The following CD36 variants were observed in gnomAD, a reference collection of about 807,000 sequenced individuals.
The protein encoded by CD36 is platelet glycoprotein 4.
Under a neutral mutation model 55.2 loss-of-function variants are expected in CD36, and 119 were observed. The ratio of observed to expected loss-of-function variants is 2.15; its 90% CI spans 1.86 to 2.51. CD36 has a LOEUF of 2.51. Ranked by LOEUF, CD36 falls within the 30% of genes most tolerant of loss-of-function variation. The pLI is 0.00. For missense variants in CD36, 819 were observed against 555.5 expected, an observed-to-expected ratio of 1.47 and a Z score of -4.77; for synonymous variants, 186 against 193.6, an observed-to-expected ratio of 0.96 and a Z score of 0.33.
intron 1 of CD36, among the ~76,000 whole-genome samples, chr7:80,645,741 A>T (rs1795120579): frequency 6.6e-6 from 1 of 152,176 alleles, no homozygotes; most frequent in Non-Finnish European, 1.5e-5. Flanking sequence ...ATCAACTGCA[A>T]ATGACAAACT....
In CD36 at chr7:80,677,268, A is replaced by C. The variant is rs951095555; in HGVS notation, c.*885A>C. On this transcript the variant is annotated 3_prime_UTR_variant, in exon 15 of 15. Coordinates refer to ENST00000447544, the MANE Select transcript of CD36 (RefSeq NM_001001548.3). Reference sequence around the variant, plus strand: ...TCCTTTTTCATAAGGAGACACATTAATAGGTAACTCTGTTTCTTGAGCAGG... The same window carrying C: ...TCCTTTTTCATAAGGAGACACATTACTAGGTAACTCTGTTTCTTGAGCAGG... 6.6e-6 allele frequency: 1 copy of C among 152,196 alleles called. No individual in the cohort carries two copies. Among genetic ancestry groups the C allele is most frequent in the African/African-American group, 2.4e-5 (1 of 41,454 alleles). 9.4% of individuals were successfully genotyped at this position (152,196 alleles called of 1,614,324 possible).
At chr7:80,650,111 C>T (rs1795484828) in intron 3 of CD36, among the ~76,000 whole-genome samples, 1 of 151,992 alleles carries the variant, frequency 6.6e-6, no homozygotes, top group Non-Finnish European at 1.5e-5. Flanking sequence ...ATTCAGACTT[C>T]CTAGTGTAGA....
chr7:80,663,204 T>C, intron 6 of CD36, 35 bp downstream of exon 6: 2 of 1,534,978 alleles, frequency 1.3e-6, no homozygotes, highest in Non-Finnish European at 9.0e-7. Flanking sequence ...TATTATTACA[T>C]TTTAATTTAA....
In CD36 at chr7:80,666,459, G is replaced by T. The variant is rs1797103824; in HGVS notation, c.718G>T (p.Glu240Ter). ...YKGKRNLSYW[E>*]SHCDMINGTD... is the part of the protein sequence containing the mutation. Reference sequence around the variant, plus strand: ...TATTCCTAGGAATCTGTCCTATTGGGAAAGTCACTGCGACATGATTAATGG... The same window carrying T: ...TATTCCTAGGAATCTGTCCTATTGGTAAAGTCACTGCGACATGATTAATGG... The change falls in exon 8 of 15, where the codon GAA becomes TAA. Residue 240 changes from glutamate to a stop codon, truncating the protein, a stop_gained. Transcript: ENST00000447544. LOFTEE classifies it high-confidence loss of function. 1 of 1,607,484 alleles carries T rather than the reference G, an allele frequency of 6.2e-7. No individual in the cohort carries two copies. The highest frequency in any genetic ancestry group is 8.5e-7 in the Non-Finnish European group (1 of 1,174,528).
chr7:80,613,115 A>G (rs1275891600), intron 1 of CD36, among the ~76,000 whole-genome samples: 1 of 152,096 alleles, frequency 6.6e-6, no homozygotes, highest in Admixed American at 6.5e-5. Context: ...ACTTGATTCC[A>G]TGAGTCACAC....
intron 1 of CD36, among the ~76,000 whole-genome samples, chr7:80,639,453 A>G (rs937947382): frequency 1.1e-4 from 16 of 152,018 alleles, no homozygotes; most frequent in African/African-American, 3.9e-4. Flanking sequence ...TATTACAAAT[A>G]GTACTGAATT....
exon 1 of CD36, chr7:80,602,294 T>C (rs1792281996): frequency 6.6e-6 from 1 of 152,168 alleles, no homozygotes; most frequent in Non-Finnish European, 1.5e-5. Flanking sequence ...GTGGAAATCC[T>C]GTTTACTTTC....
At position 80,672,833 on chromosome 7, in the gene CD36, GA is replaced by G. The variant is rs753754773; in HGVS notation, c.1195del (p.Ile399PhefsTer4). On this transcript the variant is annotated frameshift_variant, in exon 12 of 15. Coordinates refer to ENST00000447544, the MANE Select transcript of CD36 (RefSeq NM_001001548.3). LOFTEE classifies it high-confidence loss of function. The stretch of plus-strand genomic sequence containing the variant: ...GGTCAACCTATTGGTCAAGCCATCA[GA>G]AAAAATTCAGTGAGTCTCTTGAAAA... ...LQVNLLVKPS[E>X]KIQVLKNLKR... 5.5e-5 allele frequency: 88 copies of G among 1,609,158 alleles called. No individual in the cohort carries two copies. The Middle Eastern group carries it at 1.0e-3, about 19-fold the overall frequency.
chr7:80,638,481 T>C (rs1022660395), upstream of CD36: 2 of 150,976 alleles, frequency 1.3e-5, no homozygotes, highest in South Asian at 2.1e-4. Context: ...TTATTAGCCA[T>C]ATCAGTAATG....
intron 4 of CD36, among the ~76,000 whole-genome samples, chr7:80,659,027 T>C (rs1369724692): frequency 6.6e-6 from 1 of 152,162 alleles, no homozygotes; most frequent in East Asian, 1.9e-4. Context: ...AATCCATAAA[T>C]AGCTCTTTCT....
intron 3 of CD36, among the ~76,000 whole-genome samples, chr7:80,647,912 C>G (rs763347813): frequency 3.0e-4 from 46 of 151,992 alleles, no homozygotes; most frequent in Non-Finnish European, 6.5e-4. Context: ...CGATGGAGAA[C>G]AGGAGGAATT....
At chr7:80,635,235 A>G (rs1462323402), upstream of CD36, among the ~76,000 whole-genome samples, 1 of 151,186 alleles carries the variant, frequency 6.6e-6, no homozygotes, top group Admixed American at 6.6e-5. Context: ...CTAAAATAAA[A>G]TTGTGCGTGA....
At chr7:80,620,191 C>G (rs1793386927) in intron 1 of CD36, among the ~76,000 whole-genome samples, 1 of 151,956 alleles carries the variant, frequency 6.6e-6, no homozygotes. Context: ...CACACACACA[C>G]CAAGCAGCAA....
At chr7:80,639,890 T>C (rs2116281918) in intron 1 of CD36, 1 of 152,152 alleles carries the variant, frequency 6.6e-6, no homozygotes, top group East Asian at 1.9e-4. Flanking sequence ...AACCATCAGA[T>C]AATGGGTTAG....
At chr7:80,670,315 A>G (rs1487719601) in intron 9 of CD36, 2 of 406,574 alleles carry the variant, frequency 4.9e-6, no homozygotes, top group Non-Finnish European at 9.1e-6. Flanking sequence ...GATGATGCAA[A>G]TGTAACAGAA....
intron 1 of CD36, chr7:80,624,912 C>T (rs528572265): frequency 1.8e-4 from 28 of 152,182 alleles, no homozygotes; most frequent in African/African-American, 6.7e-4. Flanking sequence ...CTATCCTCCC[C>T]TGCTTTTGAT....
intron 1 of CD36, among the ~76,000 whole-genome samples, chr7:80,640,950 G>T (rs1273647368): frequency 6.6e-6 from 1 of 151,930 alleles, no homozygotes; most frequent in East Asian, 1.9e-4. Context: ...ATTCTGATAG[G>T]ATAGAAATGG....
intron 1 of CD36, among the ~76,000 whole-genome samples, chr7:80,615,568 T>C (rs945729402): frequency 6.6e-6 from 1 of 152,198 alleles, no homozygotes; most frequent in African/African-American, 2.4e-5. Context: ...CTATCTCCTA[T>C]CAACAAAATC....
In CD36 at chr7:80,638,706, TG is replaced by T. The variant is rs1794599009; in HGVS notation, c.-222del. 6.6e-6 allele frequency: 1 copy of T among 151,932 alleles called. No homozygotes were observed. The highest frequency in any genetic ancestry group is 2.4e-5 in the African/African-American group (1 of 41,418). 9.4% of individuals were successfully genotyped at this position (151,932 alleles called of 1,614,324 possible). ...ATCCTATTAAGAATTGTCCAAATGT[TG>T]GAGCATTTGATTGAAAAATCCTTCT... is the stretch of plus-strand genomic sequence containing the variant. On this transcript the variant is annotated 5_prime_UTR_variant, in exon 1 of 15. It introduces an in-frame stop codon into an upstream open reading frame of the 5' UTR. Coordinates refer to ENST00000447544, the MANE Select transcript of CD36 (RefSeq NM_001001548.3).
Sources: gnomAD v4.1 joint callset for allele counts (sites outside exome capture counted in the v4.1 genomes callset) on GRCh38, gnomAD v4.1.1 for gene constraint, MANE v1.5 for transcripts, NCBI Gene and HGNC (gene_info 2026-07-23, HGNC 2026-07-21) for gene names.